Variants in CDH12 observed in about 807,000 individuals in gnomAD.
The protein encoded by CDH12 is cadherin-12.
Under a neutral mutation model 74.1 loss-of-function variants are expected in CDH12, and 41 were observed. The ratio of observed to expected loss-of-function variants is 0.55; its 90% CI spans 0.43 to 0.72. CDH12 has a LOEUF of 0.72. Ranked by LOEUF, CDH12 falls within the 30% of genes least tolerant of loss-of-function variation. The pLI is 0.00. For missense variants in CDH12, 945 were observed against 977.2 expected (o/e 0.97, Z 0.44); for synonymous variants, 399 against 355.0 (o/e 1.12, Z -1.39).
At chr5:22,503,066 C>T (rs1736237666) in intron 2 of CDH12, among the ~76,000 whole-genome samples, 1 of 152,074 alleles carries the variant, frequency 6.6e-6, no homozygotes, top group Non-Finnish European at 1.5e-5. Context: ...CAACTTCAAC[C>T]ATATTTTTCA....
intron 1 of CDH12, among the ~76,000 whole-genome samples, chr5:22,570,074 G>T (rs1273106111): frequency 3.6e-5 from 5 of 140,352 alleles, no homozygotes; most frequent in African/African-American, 1.4e-4. Context: ...TTTATTTATT[G>T]AGACCGAGTC....
chr5:22,297,684 A>T (rs1335044635), intron 3 of CDH12, among the ~76,000 whole-genome samples: 1 of 152,148 alleles, frequency 6.6e-6, no homozygotes, highest in Non-Finnish European at 1.5e-5. Context: ...AATATTTTTC[A>T]AATATTGTTT....
At chr5:22,343,333 G>C (rs879680489) in intron 3 of CDH12, among the ~76,000 whole-genome samples, 7,695 of 127,538 alleles carry the variant, frequency 0.06, 258 homozygotes, top group South Asian at 0.13. Context: ...CAGAGAGAGA[G>C]AGAGAGAGAG....
chr5:22,086,328 T>A (rs1743065108), intron 4 of CDH12, among the ~76,000 whole-genome samples: 1 of 150,818 alleles, frequency 6.6e-6, no homozygotes, highest in African/African-American at 2.4e-5. Context: ...TATTTATATA[T>A]TTATTTATTT....
intron 5 of CDH12, among the ~76,000 whole-genome samples, chr5:21,977,465 CTT>C (rs1757118061): frequency 6.6e-6 from 1 of 151,938 alleles, no homozygotes; most frequent in Non-Finnish European, 1.5e-5. Context: ...AAAGGCATGA[CTT>C]TATAAAATGG....
At chr5:22,139,730 T>G (rs1307713990) in intron 4 of CDH12, 1 of 151,526 alleles carries the variant, frequency 6.6e-6, no homozygotes, top group Non-Finnish European at 1.5e-5. Context: ...AAATTACTAT[T>G]TATACATTTA....
intron 10 of CDH12, among the ~76,000 whole-genome samples, chr5:21,801,218 T>C (rs1747094281): frequency 6.6e-6 from 1 of 152,240 alleles, no homozygotes; most frequent in South Asian, 2.1e-4. Context: ...ATTGTTTTAA[T>C]CTTTACTTGT....
chr5:21,921,444 C>G (rs1189553159), intron 6 of CDH12, among the ~76,000 whole-genome samples: 1 of 152,084 alleles, frequency 6.6e-6, no homozygotes, highest in Non-Finnish European at 1.5e-5. Flanking sequence ...CCTTTTAAAA[C>G]AATTTTTTTC....
At chr5:21,791,388 C>T (rs891495206) in intron 10 of CDH12, among the ~76,000 whole-genome samples, 6 of 151,976 alleles carry the variant, frequency 3.9e-5, no homozygotes, top group Non-Finnish European at 7.4e-5. Flanking sequence ...GGAGTTACAG[C>T]CTCACAGAGT....
At chr5:22,738,489 G>A (rs1034148605) in intron 1 of CDH12, among the ~76,000 whole-genome samples, 6 of 152,010 alleles carry the variant, frequency 3.9e-5, no homozygotes, top group African/African-American at 1.4e-4. Context: ...ACCCAATGGT[G>A]ACGAAGAGCA....
At chr5:22,404,758 T>C (rs1742867411) in intron 3 of CDH12, among the ~76,000 whole-genome samples, 1 of 152,222 alleles carries the variant, frequency 6.6e-6, no homozygotes, top group African/African-American at 2.4e-5. Context: ...ATTTAAGGAA[T>C]GCCAGCGTTT....
At chr5:22,006,245 C>T (rs1332249850) in intron 5 of CDH12, among the ~76,000 whole-genome samples, 3 of 152,026 alleles carry the variant, frequency 2.0e-5, no homozygotes, top group Non-Finnish European at 4.4e-5. Context: ...TCCCAAACCC[C>T]TGGCCTCAAG....
intron 1 of CDH12, among the ~76,000 whole-genome samples, chr5:22,802,842 C>T (rs547720825): frequency 4.6e-5 from 7 of 152,034 alleles, no homozygotes; most frequent in African/African-American, 1.7e-4. Context: ...TGTTGAGAGC[C>T]GAGTTTGGAA....
chr5:22,347,101 G>A (rs182857027), intron 3 of CDH12, among the ~76,000 whole-genome samples: 176 of 152,304 alleles, frequency 1.2e-3, no homozygotes, highest in Middle Eastern at 3.4e-3. Flanking sequence ...TTTAACCACT[G>A]CATCAGTATT....
chr5:22,075,319 G>C (rs371587010), intron 5 of CDH12, among the ~76,000 whole-genome samples: 1 of 126,118 alleles, frequency 7.9e-6, no homozygotes. Flanking sequence ...TGTGGGGTGG[G>C]GGGAGGGGGG....
At chr5:22,689,299 C>T (rs1321547840) in intron 1 of CDH12, among the ~76,000 whole-genome samples, 1 of 152,136 alleles carries the variant, frequency 6.6e-6, no homozygotes, top group African/African-American at 2.4e-5. Flanking sequence ...TTTGCACCAA[C>T]ATTGTCATAA....
chr5:21,940,159 G>A (rs1391536709), intron 6 of CDH12, among the ~76,000 whole-genome samples: 3 of 152,038 alleles, frequency 2.0e-5, no homozygotes, highest in African/African-American at 4.8e-5. Flanking sequence ...CCCAGGAGGC[G>A]GAAGCTGCAC....
chr5:22,006,818 T>C (rs1736992748), intron 5 of CDH12, among the ~76,000 whole-genome samples: 1 of 152,210 alleles, frequency 6.6e-6, no homozygotes, highest in African/African-American at 2.4e-5. Context: ...ATGTGAAGTG[T>C]TCACACTGTA....
intron 2 of CDH12, among the ~76,000 whole-genome samples, chr5:22,494,163 G>A (rs1747006177): frequency 6.6e-6 from 1 of 152,232 alleles, no homozygotes; most frequent in Non-Finnish European, 1.5e-5. Context: ...ATGTTGATGA[G>A]ACTAAAAAAT....
Sources: gnomAD v4.1 joint callset for allele counts (sites outside exome capture counted in the v4.1 genomes callset) on GRCh38, gnomAD v4.1.1 for gene constraint, MANE v1.5 for transcripts, NCBI Gene and HGNC (gene_info 2026-07-23, HGNC 2026-07-21) for gene names.